The following MREG variants were observed in gnomAD, a reference collection of about 807,000 sequenced individuals.
MREG encodes dilute suppressor protein homolog.
A neutral mutation model predicts 28.5 loss-of-function variants in MREG; 31 were observed. The observed-to-expected ratio is 1.09, with a 90% confidence interval of 0.82 to 1.47. The LOEUF (loss-of-function observed/expected upper bound fraction) is 1.47. MREG is among the 40% of genes most tolerant of loss of function. The pLI, the probability that MREG is intolerant of heterozygous loss-of-function variation, is 0.00. For missense variants in MREG, 256 were observed against 257.4 expected, an observed-to-expected ratio of 0.99 and a Z score of 0.04; for synonymous variants, 106 against 95.2, an observed-to-expected ratio of 1.11 and a Z score of -0.66.
At chr2:216,012,637 G>A (rs1694343377) in intron 1 of MREG, among the ~76,000 whole-genome samples, 2 of 152,124 alleles carry the variant, frequency 1.3e-5, no homozygotes, top group Non-Finnish European at 2.9e-5. Context: ...TCTTCACAAA[G>A]CCTCTTAGCT....
At chr2:216,000,089 C>A (rs547314011) in intron 1 of MREG, among the ~76,000 whole-genome samples, 38 of 152,354 alleles carry the variant, frequency 2.5e-4, no homozygotes, top group Non-Finnish European at 4.9e-4. Flanking sequence ...TGATATGCAA[C>A]CACTGCATAA....
intron 2 of MREG, among the ~76,000 whole-genome samples, chr2:215,963,338 G>A (rs1298713615): frequency 6.6e-6 from 1 of 151,446 alleles, no homozygotes; most frequent in African/African-American, 2.4e-5. Context: ...GCTGAGGTGT[G>A]AGGATGGCTT....
chr2:216,006,063 A>G (rs977752607), intron 1 of MREG, among the ~76,000 whole-genome samples: 2 of 152,258 alleles, frequency 1.3e-5, no homozygotes, highest in African/African-American at 4.8e-5. Context: ...GCATTTAAGC[A>G]GAGTTTATAC....
At chr2:215,992,106 C>T (rs1466373440) in intron 2 of MREG, among the ~76,000 whole-genome samples, 1 of 152,160 alleles carries the variant, frequency 6.6e-6, no homozygotes, top group Non-Finnish European at 1.5e-5. Flanking sequence ...AAGAAAATTT[C>T]AGGCCAATCT....
intron 2 of MREG, among the ~76,000 whole-genome samples, chr2:215,974,021 T>C (rs893401630): frequency 2.0e-5 from 3 of 152,240 alleles, no homozygotes; most frequent in Non-Finnish European, 4.4e-5. Context: ...AAGTGCTTTA[T>C]TAACAACAAA....
At chr2:215,988,735 G>A (rs117635022) in intron 2 of MREG, among the ~76,000 whole-genome samples, 1 of 152,188 alleles carries the variant, frequency 6.6e-6, no homozygotes, top group African/African-American at 2.4e-5. Context: ...CCTGAGGCTT[G>A]GGCAGGCAGT....
chr2:215,979,467 A>AAATAAT (rs201080423), intron 2 of MREG, among the ~76,000 whole-genome samples: 5,382 of 132,390 alleles, frequency 0.041, 140 homozygotes, highest in Non-Finnish European at 0.047. Flanking sequence ...CCATCTCAAA[A>AAATAAT]AATAATAATA....
At chr2:216,024,103 T>G (rs2105931199) in intron 1 of MREG, among the ~76,000 whole-genome samples, 1 of 152,330 alleles carries the variant, frequency 6.6e-6, no homozygotes, top group African/African-American at 2.4e-5. Context: ...AGCTCCACTC[T>G]CCCTTGCCAT....
chr2:215,972,839 T>A (rs1350405122), intron 2 of MREG, among the ~76,000 whole-genome samples: 5 of 152,178 alleles, frequency 3.3e-5, no homozygotes, highest in Non-Finnish European at 7.4e-5. Context: ...GAATTGGGGT[T>A]TACAGGTTCC....
At chr2:215,999,408 T>C (rs1317291132) in intron 1 of MREG, among the ~76,000 whole-genome samples, 1 of 152,190 alleles carries the variant, frequency 6.6e-6, no homozygotes, top group Non-Finnish European at 1.5e-5. Context: ...TTTGAGGTCC[T>C]GGTGTCAGGG....
At chr2:215,960,932 C>T (rs1296965369) in intron 2 of MREG, among the ~76,000 whole-genome samples, 1 of 152,228 alleles carries the variant, frequency 6.6e-6, no homozygotes, top group Non-Finnish European at 1.5e-5. Flanking sequence ...AAAGCTGACT[C>T]TCTGCATCTA....
At chr2:215,960,405 T>C (rs191790806) in intron 2 of MREG, among the ~76,000 whole-genome samples, 20 of 152,304 alleles carry the variant, frequency 1.3e-4, no homozygotes, top group African/African-American at 4.8e-4. Context: ...GCACTGCACA[T>C]GATGATGCAT....
At chr2:216,027,842 TAA>T (rs771939571) in intron 1 of MREG, among the ~76,000 whole-genome samples, 67 of 149,976 alleles carry the variant, frequency 4.5e-4, no homozygotes, top group Non-Finnish European at 7.2e-4. Context: ...CCCTCTGTGA[TAA>T]AAAGTCATTC....
chr2:216,027,342 T>C (rs1219146083), intron 1 of MREG, among the ~76,000 whole-genome samples: 2 of 152,214 alleles, frequency 1.3e-5, no homozygotes, highest in Non-Finnish European at 2.9e-5. Context: ...CATTACCCAG[T>C]AGAGTTCGAA....
intron 1 of MREG, among the ~76,000 whole-genome samples, chr2:216,001,406 AC>A (rs1180340770): frequency 2.0e-5 from 3 of 151,976 alleles, no homozygotes; most frequent in African/African-American, 7.2e-5. Context: ...AAGAGAACCA[AC>A]CGCTGTGCCC....
intron 1 of MREG, 120 bp from the exon 2 acceptor site, chr2:215,996,585 T>A: frequency 1.4e-6 from 1 of 700,270 alleles, no homozygotes; most frequent in Non-Finnish European, 2.2e-6. Flanking sequence ...AAATATATTG[T>A]CAAAAAGGTC....
intron 1 of MREG, among the ~76,000 whole-genome samples, chr2:216,021,183 T>A (rs1470349263): frequency 6.6e-6 from 1 of 152,206 alleles, no homozygotes; most frequent in Non-Finnish European, 1.5e-5. Context: ...GGTCTCACTC[T>A]GTCACCCAGG....
chr2:215,952,610 A>C (rs1253957094), intron 2 of MREG, among the ~76,000 whole-genome samples: 1 of 152,200 alleles, frequency 6.6e-6, no homozygotes, highest in Non-Finnish European at 1.5e-5. Context: ...TGTTCTAACA[A>C]TAATTTACAT....
At chr2:216,013,591 A>T (rs1694377514), upstream of MREG, 1 of 156,138 alleles carries the variant, frequency 6.4e-6, no homozygotes, top group South Asian at 2.1e-4. Context: ...CCCCGAGCGC[A>T]ATTTGGGGCG....
Sources: allele counts gnomAD v4.1 joint callset (sites outside exome capture counted in the v4.1 genomes callset), GRCh38; gene constraint gnomAD v4.1.1; transcripts MANE v1.5; gene names NCBI Gene and HGNC (gene_info 2026-07-23, HGNC 2026-07-21).